Variants in BHMT observed in about 807,000 individuals in gnomAD.
BHMT encodes the protein betaine--homocysteine S-methyltransferase.
Under a neutral mutation model 49.5 loss-of-function variants are expected in BHMT, and 38 were observed. The observed-to-expected ratio is 0.77, with a 90% CI of 0.59 to 1.01. The LOEUF (loss-of-function observed/expected upper bound fraction) is 1.01, where lower values mean the gene tolerates loss of function less well. Among genes scored for constraint, BHMT ranks in the 50% least tolerant of loss-of-function variants. The pLI, the probability that BHMT is intolerant of heterozygous loss-of-function variation, is 0.00. For synonymous variants in BHMT, 166 were observed against 176.3 expected (o/e 0.94, Z 0.46); for missense variants, 426 against 495.7 (o/e 0.86, Z 1.34).
At chr5:79,117,566 T>C (rs1227919488) in intron 2 of BHMT, among the ~76,000 whole-genome samples, 3 of 152,224 alleles carry the variant, frequency 2.0e-5, no homozygotes, top group East Asian at 1.9e-4. Context: ...TAAAAGCTTT[T>C]TTCACTTGTG....
intron 6 of BHMT, chr5:79,126,435 A>C (rs1756555205): frequency 1.9e-6 from 1 of 524,712 alleles, no homozygotes; most frequent in Non-Finnish European, 3.3e-6. Flanking sequence ...GCTAGCAAAA[A>C]AGATCTCTGA....
intron 5 of BHMT, among the ~76,000 whole-genome samples, chr5:79,123,476 T>C (rs573348118): frequency 6.6e-6 from 1 of 152,296 alleles, no homozygotes; most frequent in Admixed American, 6.5e-5. Flanking sequence ...ATATACAAAA[T>C]ACAAAATCCT....
intron 2 of BHMT, among the ~76,000 whole-genome samples, chr5:79,118,274 T>C (rs1756416735): frequency 6.6e-6 from 1 of 152,168 alleles, no homozygotes; most frequent in Admixed American, 6.5e-5. Context: ...AAGACCATCC[T>C]GGCCAACATG....
In BHMT at chr5:79,120,445, A is replaced by G. The variant is rs903108429; in HGVS notation, c.381A>G (p.Ser127=). The G allele has an allele frequency of 4.3e-6, 7 of 1,614,100 alleles. No homozygotes were observed. The African/African-American group carries it at 6.7e-5, about 15-fold the overall frequency. The change falls in exon 4 of 8, where the codon TCA becomes TCG. Residue 127 remains serine, a synonymous_variant. Transcript: ENST00000274353. ...LVAGGVSQTP[S]YLSCKSETEV... is the part of the protein sequence containing the mutation. The stretch of plus-strand genomic sequence containing the variant: ...CAGGAGGAGTGAGTCAGACACCTTC[A>G]TACCTTAGCTGCAAGAGTGAAACTG...
At chr5:79,113,433 A>T (rs539362012) in intron 1 of BHMT, among the ~76,000 whole-genome samples, 13 of 152,384 alleles carry the variant, frequency 8.5e-5, no homozygotes, top group African/African-American at 2.9e-4. Context: ...TGAATGTAAG[A>T]TGGAAAAAAC....
rs575283480 is a variant in BHMT at position 79,118,918 on chromosome 5, C to T, written c.167-341C>T. On this transcript the variant is annotated intron_variant, in intron 2 of 7. Coordinates refer to ENST00000274353, the MANE Select transcript of BHMT (RefSeq NM_001713.3). ...CTGTAGTCAGTTATTTCTGGACAGA[C>T]TGTGAAGTTGTCCAAAGACAGAATA... Among the ~76,000 whole-genome samples, 7 of 152,342 alleles carry T rather than the reference C, an allele frequency of 4.6e-5. No individual in the cohort carries two copies. The South Asian group carries it at 1.2e-3, about 27-fold the overall frequency.
chr5:79,129,452 G>C (rs1195067307), intron 7 of BHMT, among the ~76,000 whole-genome samples: 1 of 152,226 alleles, frequency 6.6e-6, no homozygotes, highest in East Asian at 1.9e-4. Flanking sequence ...CTGGAAGTTT[G>C]AGAATAGCAG....
At position 79,115,633 on chromosome 5, in the gene BHMT, T is replaced by C. The variant is rs923596461; in HGVS notation, c.34-134T>C. ...TTATAGATAGCCATAAATGTATATA[T>C]AAAATATACATTTTTCTCTGAAAAT... On this transcript the variant is annotated intron_variant, in intron 1 of 7. Coordinates refer to ENST00000274353, the MANE Select transcript of BHMT (RefSeq NM_001713.3). 1.4e-5 allele frequency: 14 copies of C among 1,031,598 alleles called. No individual in the cohort carries two copies. In the African/African-American group the frequency reaches 2.1e-4, roughly 16 times the overall value. The allele number at this position is 1,031,598 out of a possible 1,614,324, so 63.9% of individuals were successfully genotyped here. A position where few individuals can be genotyped will look rare whatever the true frequency, so the allele number is the denominator to read the frequency against.
intron 1 of BHMT, among the ~76,000 whole-genome samples, chr5:79,115,502 G>A (rs1332059780): frequency 2.0e-5 from 3 of 151,762 alleles, no homozygotes; most frequent in Non-Finnish European, 4.4e-5. Flanking sequence ...CACCTCCCAC[G>A]GTGTTCTTCA....
At chr5:79,129,971 C>T (rs1455755872) in intron 7 of BHMT, among the ~76,000 whole-genome samples, 1 of 152,140 alleles carries the variant, frequency 6.6e-6, no homozygotes, top group Admixed American at 6.6e-5. Flanking sequence ...CCAGCCTGGG[C>T]AACATGGCGA....
intron 5 of BHMT, among the ~76,000 whole-genome samples, chr5:79,125,466 A>AAG (rs1756538758): frequency 6.7e-6 from 1 of 150,238 alleles, no homozygotes; most frequent in Non-Finnish European, 1.5e-5. Context: ...TCAGAAAAAA[A>AAG]AAAAAAAAAA....
At chr5:79,125,768 T>TA (rs1013587057) in intron 5 of BHMT, among the ~76,000 whole-genome samples, 1 of 151,616 alleles carries the variant, frequency 6.6e-6, no homozygotes, top group Non-Finnish European at 1.5e-5. Flanking sequence ...CCCATATCTA[T>TA]AAAAAAACAA....
chr5:79,120,255 T>C lies in BHMT; in HGVS notation c.286-95T>C, dbSNP rs562583365. On this transcript the variant is annotated intron_variant, in intron 3 of 7. Coordinates refer to ENST00000274353, the MANE Select transcript of BHMT (RefSeq NM_001713.3). ...AGTCATTTTCTGGAATAAGATACTA[T>C]TGTAAATATACAACTAAGATGTGAA... 5.6e-5 allele frequency: 68 copies of C among 1,215,074 alleles called. No individual in the cohort carries two copies. In the East Asian group the frequency reaches 1.5e-3, roughly 26 times the overall value. The allele number at this position is 1,215,074 out of a possible 1,614,324, so 75.3% of individuals were successfully genotyped here. A position where few individuals can be genotyped will look rare whatever the true frequency, so the allele number is the denominator to read the frequency against.
intron 2 of BHMT, 125 bp downstream of exon 2, chr5:79,116,024 C>A: frequency 8.1e-7 from 1 of 1,235,846 alleles, no homozygotes; most frequent in Non-Finnish European, 1.1e-6. Context: ...TCAAGACCAG[C>A]CTGGGCACAT....
chr5:79,121,589 T>C (rs1457078407), intron 5 of BHMT, among the ~76,000 whole-genome samples: 3 of 151,894 alleles, frequency 2.0e-5, no homozygotes, highest in South Asian at 2.1e-4. Context: ...CAGAGACGGG[T>C]GGATCATGAG....
chr5:79,124,604 T>C (rs1010173552), intron 5 of BHMT, among the ~76,000 whole-genome samples: 4 of 152,192 alleles, frequency 2.6e-5, no homozygotes, highest in African/African-American at 9.6e-5. Context: ...GTGATTGCCA[T>C]GGTAAATCAT....
rs1005715906 is a variant in BHMT, at chr5:79,132,113, A to G, written c.*997A>G. On this transcript the variant is annotated 3_prime_UTR_variant, in exon 8 of 8. Coordinates refer to ENST00000274353, the MANE Select transcript of BHMT (RefSeq NM_001713.3). ...TATGATATTTTTCTCTGATAATTTA[A>G]TATCTACTCTCCTACAAAAGCTCAA... 5.9e-5 allele frequency: 9 copies of G among 152,334 alleles called. No individual in the cohort carries two copies. The highest frequency in any genetic ancestry group is 1.9e-4 in the African/African-American group (8 of 41,566). The allele number at this position is 152,334 out of a possible 1,614,324, so 9.4% of individuals were successfully genotyped here.
rs184969304 is a variant in BHMT, at chr5:79,115,399, T to G, written c.34-368T>G. 3.6e-3 allele frequency among the ~76,000 whole-genome samples: 554 copies of G among 151,910 alleles called. 5 individuals carry two copies. Among genetic ancestry groups the G allele is most frequent in the African/African-American group, 0.012 (505 of 41,336 alleles). On this transcript the variant is annotated intron_variant, in intron 1 of 7. Coordinates refer to ENST00000274353, the MANE Select transcript of BHMT (RefSeq NM_001713.3). Reference sequence around the variant, plus strand: ...TGTTGATAGAGTAAGAAGACTAGTATTTACCATTTTAAGAATCTGTGCTTA... The same window carrying G: ...TGTTGATAGAGTAAGAAGACTAGTAGTTACCATTTTAAGAATCTGTGCTTA...
intron 2 of BHMT, 128 bp downstream of exon 2, chr5:79,116,027 G>C: frequency 1.5e-5 from 18 of 1,176,866 alleles, no homozygotes; most frequent in Non-Finnish European, 2.0e-5. Flanking sequence ...AGACCAGCCT[G>C]GGCACATAGG....
Sources: allele counts gnomAD v4.1 joint callset (sites outside exome capture counted in the v4.1 genomes callset), GRCh38; gene constraint gnomAD v4.1.1; transcripts MANE v1.5; gene names NCBI Gene and HGNC (gene_info 2026-07-23, HGNC 2026-07-21).